The following KLRG1 variants were observed in gnomAD, a reference collection of about 807,000 sequenced individuals.
The protein encoded by KLRG1 is killer cell lectin-like receptor subfamily G member 1.
A neutral mutation model predicts 21.8 loss-of-function variants in KLRG1; 16 were observed. That is an observed-to-expected ratio of 0.73 (90% CI 0.50 to 1.11). The LOEUF is 1.11. Ranked by LOEUF, KLRG1 falls within the 50% of genes most tolerant of loss-of-function variation. KLRG1 has a pLI of 0.00. For missense variants in KLRG1, 173 were observed against 218.3 expected, an observed-to-expected ratio of 0.79 and a Z score of 1.31; for synonymous variants, 69 against 75.9, an observed-to-expected ratio of 0.91 and a Z score of 0.47.
chr12:9,093,796 C>T, the KLRG1 span, among the ~76,000 whole-genome samples: 2 of 148,530 alleles, frequency 1.3e-5, no homozygotes, highest in African/African-American at 2.6e-5. Context: ...CGCGGTGGCT[C>T]ATGCCTGTAA....
chr12:9,169,653 A>G, the KLRG1 span: 1 of 1,403,908 alleles, frequency 7.1e-7, no homozygotes, highest in Non-Finnish European at 9.5e-7. Context: ...AATAGAATGA[A>G]CTGAGAGAAA....
the KLRG1 span, among the ~76,000 whole-genome samples, chr12:9,048,370 GAAC>G: frequency 0.092 from 13,926 of 152,042 alleles, 997 homozygotes; most frequent in African/African-American, 0.2. Context: ...CATTCTATGA[GAAC>G]AACATTACCC....
chr12:9,063,419 C>T, the KLRG1 span, among the ~76,000 whole-genome samples: 2 of 152,080 alleles, frequency 1.3e-5, no homozygotes, highest in South Asian at 2.1e-4. Context: ...AAATAAAATA[C>T]AAACTATACA....
At chr12:9,208,185 A>G in the KLRG1 span, 5 of 1,142,834 alleles carry the variant, frequency 4.4e-6, no homozygotes, top group African/African-American at 7.7e-5. Flanking sequence ...GGCATTTACA[A>G]AGGAAGGCAA....
chr12:9,171,085 A>G, the KLRG1 span, among the ~76,000 whole-genome samples: 327 of 152,248 alleles, frequency 2.1e-3, 2 homozygotes, highest in South Asian at 5.6e-3. Context: ...GCCACCTCCA[A>G]CAGTTGCATG....
the KLRG1 span, chr12:9,079,215 A>C: frequency 1.9e-6 from 3 of 1,585,428 alleles, no homozygotes; most frequent in South Asian, 3.3e-5. Flanking sequence ...GCACACAAAA[A>C]GAAGCTCAAA....
chr12:9,117,788 T>A, the KLRG1 span, among the ~76,000 whole-genome samples: 1 of 152,194 alleles, frequency 6.6e-6, no homozygotes, highest in Admixed American at 6.5e-5. Flanking sequence ...AAGAGAAACA[T>A]TAAATTAATT....
the KLRG1 span, chr12:9,093,471 A>G: frequency 3.1e-6 from 5 of 1,613,008 alleles, no homozygotes; most frequent in Non-Finnish European, 4.2e-6. Context: ...TTACTTTACC[A>G]CCACCAAATC....
At chr12:9,188,567 G>T in the KLRG1 span, among the ~76,000 whole-genome samples, 1 of 152,224 alleles carries the variant, frequency 6.6e-6, no homozygotes, top group Non-Finnish European at 1.5e-5. Context: ...AGCATAGGAA[G>T]AGAGGAAGTC....
intron 1 of KLRG1, among the ~76,000 whole-genome samples, chr12:8,961,359 A>C (rs1946378081): frequency 6.6e-6 from 1 of 152,242 alleles, no homozygotes; most frequent in South Asian, 2.1e-4. Flanking sequence ...CAAAAGGATC[A>C]AACTGATAAC....
chr12:9,136,638 T>C, the KLRG1 span, among the ~76,000 whole-genome samples: 1 of 152,202 alleles, frequency 6.6e-6, no homozygotes, highest in Non-Finnish European at 1.5e-5. Context: ...CATTTTGCAT[T>C]AACACCAACA....
chr12:9,176,129 TA>T, the KLRG1 span, among the ~76,000 whole-genome samples: 2 of 152,134 alleles, frequency 1.3e-5, no homozygotes, highest in Non-Finnish European at 2.9e-5. Flanking sequence ...TATGCAGCCA[TA>T]AAAAGGATGA....
Position 9,010,134 on chromosome 12 carries a change from T to G in KLRG1, c.*597T>G. The stretch of plus-strand genomic sequence containing the variant: ...CCAGGAGTTTGAGGCTGCAGTGAGC[T>G]ATGATTGTGCCACTGTACTCCAGCC... On this transcript the variant is annotated 3_prime_UTR_variant, in exon 5 of 5. Coordinates refer to ENST00000356986, the MANE Select transcript of KLRG1 (RefSeq NM_005810.4). 1 of 794,386 alleles carries G rather than the reference T, an allele frequency of 1.3e-6. No homozygotes were observed. Among genetic ancestry groups the G allele is most frequent in the Non-Finnish European group, 2.0e-6 (1 of 488,208 alleles). The allele number at this position is 794,386 out of a possible 1,614,324, so 49.2% of individuals were successfully genotyped here.
chr12:9,079,717 A>G, the KLRG1 span: 2 of 1,613,686 alleles, frequency 1.2e-6, no homozygotes, highest in African/African-American at 2.7e-5. Context: ...TCCAGTACAT[A>G]GATGTTAGGA....
chr12:9,021,402 T>TC, the KLRG1 span, among the ~76,000 whole-genome samples: 824 of 130,056 alleles, frequency 6.3e-3, 7 homozygotes, highest in Non-Finnish European at 0.01. Flanking sequence ...ACTTTTTTAC[T>TC]CTTTTTTTTT....
At chr12:9,020,250 G>T in the KLRG1 span, among the ~76,000 whole-genome samples, 1 of 152,020 alleles carries the variant, frequency 6.6e-6, no homozygotes, top group African/African-American at 2.4e-5. Context: ...AGGTACAATT[G>T]ACATACAATA....
At chr12:8,989,431 G>A (rs1010829216), upstream of KLRG1, 30 of 495,680 alleles carry the variant, frequency 6.1e-5, no homozygotes, top group Admixed American at 7.9e-5. Flanking sequence ...CATCTACAGT[G>A]TCATGGGGCA....
chr12:8,982,145 A>G (rs1946764562), intron 1 of KLRG1, among the ~76,000 whole-genome samples: 1 of 152,238 alleles, frequency 6.6e-6, no homozygotes, highest in Admixed American at 6.5e-5. Flanking sequence ...GATTAAGCTA[A>G]TAATCTTGAG....
chr12:8,989,592 A>G lies in KLRG1; in HGVS notation c.-44A>G, dbSNP rs1158675295. On this transcript the variant is annotated 5_prime_UTR_variant, in exon 1 of 5. Transcript: ENST00000356986. The stretch of plus-strand genomic sequence containing the variant: ...CTGATACATATCCCTTCACACTTCT[A>G]TAATTTAACTCTCTCAACTGCATGT... The G allele has an allele frequency of 1.6e-6, 2 of 1,286,732 alleles. No individual in the cohort carries two copies. Among genetic ancestry groups the G allele is most frequent in the Admixed American group, 3.6e-5 (2 of 55,908 alleles). The allele number at this position is 1,286,732 out of a possible 1,614,324, so 79.7% of individuals were successfully genotyped here. A position where few individuals can be genotyped will look rare whatever the true frequency, so the allele number is the denominator to read the frequency against.
Sources: gnomAD v4.1 joint callset for allele counts (sites outside exome capture counted in the v4.1 genomes callset) on GRCh38, gnomAD v4.1.1 for gene constraint, MANE v1.5 for transcripts, NCBI Gene and HGNC (gene_info 2026-07-23, HGNC 2026-07-21) for gene names.